CPT1A: variants seen among roughly 807,000 people sequenced by gnomAD.
CPT1A encodes carnitine palmitoyltransferase 1A.
A neutral mutation model predicts 100.8 loss-of-function variants in CPT1A; 64 were observed. The ratio of observed to expected loss-of-function variants is 0.63; its 90% CI spans 0.52 to 0.78. The LOEUF is 0.78. Ranked by LOEUF, CPT1A falls within the 30% of genes least tolerant of loss-of-function variation. The probability of loss-of-function intolerance (pLI) is 0.00; values close to 1 mark genes in which losing one functional copy is unlikely to be tolerated. For synonymous variants in CPT1A, 363 were observed against 396.0 expected (o/e 0.92, Z 0.99); for missense variants, 802 against 1,034.1 (o/e 0.78, Z 3.08).
chr11:68,781,485 T>C (rs1181595959), intron 11 of CPT1A, among the ~76,000 whole-genome samples: 1 of 152,096 alleles, frequency 6.6e-6, no homozygotes, highest in Non-Finnish European at 1.5e-5. Context: ...CCAGGCGTGG[T>C]GGCACACGCC....
intron 14 of CPT1A, among the ~76,000 whole-genome samples, chr11:68,763,917 C>G (rs1854711839): frequency 1.3e-5 from 2 of 151,968 alleles, no homozygotes; most frequent in Admixed American, 1.3e-4. Context: ...TTCAGGGGGA[C>G]CAGGGAGTCA....
At chr11:68,833,276 T>A (rs1490343628) in intron 1 of CPT1A, among the ~76,000 whole-genome samples, 1 of 152,178 alleles carries the variant, frequency 6.6e-6, no homozygotes, top group Non-Finnish European at 1.5e-5. Context: ...TCTTCTGAAC[T>A]GAGATGCAGG....
intron 1 of CPT1A, among the ~76,000 whole-genome samples, chr11:68,837,975 G>A (rs139034325): frequency 6.6e-6 from 1 of 152,190 alleles, no homozygotes; most frequent in Non-Finnish European, 1.5e-5. Context: ...GGCTGCATGT[G>A]GGGGCTTAGG....
At chr11:68,759,272 G>A (rs756640969) in intron 18 of CPT1A, among the ~76,000 whole-genome samples, 7 of 151,380 alleles carry the variant, frequency 4.6e-5, no homozygotes, top group Admixed American at 6.6e-5. Context: ...GCGGGTGCCT[G>A]TAGTCCCAGC....
chr11:68,805,350 C>A, intron 4 of CPT1A, among the ~76,000 whole-genome samples: 1 of 151,770 alleles, frequency 6.6e-6, no homozygotes, highest in East Asian at 1.9e-4. Context: ...ACTGTGGAGG[C>A]TGAGGTGAGA....
intron 14 of CPT1A, among the ~76,000 whole-genome samples, chr11:68,771,112 T>A (rs1014101181): frequency 1.3e-5 from 2 of 152,218 alleles, no homozygotes; most frequent in Non-Finnish European, 2.9e-5. Flanking sequence ...GCTTCCTTTG[T>A]GGAGTCTCTG....
chr11:68,825,016 C>T (rs779999895), intron 1 of CPT1A, among the ~76,000 whole-genome samples: 1 of 152,072 alleles, frequency 6.6e-6, no homozygotes, highest in Non-Finnish European at 1.5e-5. Context: ...CCAGGCTGGT[C>T]TTGAACTCCT....
chr11:68,770,983 T>G (rs1854972295), intron 14 of CPT1A, among the ~76,000 whole-genome samples: 1 of 152,216 alleles, frequency 6.6e-6, no homozygotes, highest in South Asian at 2.1e-4. Context: ...AGAGATGCCT[T>G]CCTCGGGGCC....
intron 4 of CPT1A, 70 bp downstream of exon 4, chr11:68,807,397 C>A (rs192755156): frequency 4.0e-6 from 6 of 1,491,978 alleles, no homozygotes; most frequent in Non-Finnish European, 5.5e-6. Context: ...GGTGTCCTTC[C>A]GCAGGGGTGT....
chr11:68,773,109 C>G (rs1855037067), intron 14 of CPT1A, among the ~76,000 whole-genome samples, 156 bp downstream of exon 14: 1 of 152,162 alleles, frequency 6.6e-6, no homozygotes, highest in East Asian at 1.9e-4. Context: ...GGTGAAACAC[C>G]CAACGCCACC....
chr11:68,837,461 G>A (rs1212987421), intron 1 of CPT1A, among the ~76,000 whole-genome samples: 1 of 152,214 alleles, frequency 6.6e-6, no homozygotes, highest in Non-Finnish European at 1.5e-5. Flanking sequence ...GGGCGAAGCA[G>A]ACATCACTGC....
At chr11:68,835,272 T>G (rs1856981717) in intron 1 of CPT1A, among the ~76,000 whole-genome samples, 1 of 152,158 alleles carries the variant, frequency 6.6e-6, no homozygotes, top group Admixed American at 6.5e-5. Context: ...GGGCAGGAGC[T>G]CAGACTGCAA....
intron 18 of CPT1A, among the ~76,000 whole-genome samples, chr11:68,758,240 C>T (rs1290720687): frequency 6.7e-6 from 1 of 150,096 alleles, no homozygotes; most frequent in Non-Finnish European, 1.5e-5. Context: ...TGCACTCTAG[C>T]CTGGGTGGCA....
At chr11:68,815,559 T>G in intron 1 of CPT1A, 72 bp from the exon 2 acceptor site, 1 of 1,443,564 alleles carries the variant, frequency 6.9e-7, no homozygotes, top group Non-Finnish European at 9.7e-7. Flanking sequence ...CATACAGAAG[T>G]GCCATTCCTT....
At chr11:68,759,359 C>A (rs1946756159) in intron 18 of CPT1A, among the ~76,000 whole-genome samples, 1 of 151,274 alleles carries the variant, frequency 6.6e-6, no homozygotes, top group Admixed American at 6.6e-5. Context: ...CTCGCCCCTG[C>A]ACTCCAGCCT....
chr11:68,773,516 A>T (rs1855053924), intron 13 of CPT1A, 87 bp from the exon 14 acceptor site: 1 of 1,597,848 alleles, frequency 6.3e-7, no homozygotes, highest in East Asian at 2.3e-5. Context: ...GCTGGTTTTT[A>T]GTGCAGCTAT....
chr11:68,798,022 T>C (rs534879723), intron 6 of CPT1A, among the ~76,000 whole-genome samples: 4 of 152,162 alleles, frequency 2.6e-5, no homozygotes, highest in Non-Finnish European at 5.9e-5. Flanking sequence ...ACCAATGTTA[T>C]GCAAAATTGC....
At chr11:68,791,682 G>A (rs1855618946) in intron 9 of CPT1A, among the ~76,000 whole-genome samples, 1 of 152,088 alleles carries the variant, frequency 6.6e-6, no homozygotes, top group Non-Finnish European at 1.5e-5. Context: ...GATTACGGGT[G>A]CCCACCACCA....
chr11:68,801,551 A>G (rs1318349553), intron 5 of CPT1A, among the ~76,000 whole-genome samples: 1 of 151,942 alleles, frequency 6.6e-6, no homozygotes, highest in Non-Finnish European at 1.5e-5. Flanking sequence ...AATTGTTTGA[A>G]CTTGGGAGAT....
Sources: gnomAD v4.1 joint callset for allele counts (sites outside exome capture counted in the v4.1 genomes callset) on GRCh38, gnomAD v4.1.1 for gene constraint, MANE v1.5 for transcripts, NCBI Gene and HGNC (gene_info 2026-07-23, HGNC 2026-07-21) for gene names.